The following VIRMA variants were observed in gnomAD, a reference collection of about 807,000 sequenced individuals.
The protein encoded by VIRMA is protein virilizer homolog.
A neutral mutation model predicts 182.4 loss-of-function variants in VIRMA; 65 were observed. The observed-to-expected ratio is 0.36, with a 90% CI of 0.29 to 0.44. The LOEUF (loss-of-function observed/expected upper bound fraction) is 0.44. VIRMA is among the 20% of genes least tolerant of loss of function. The pLI is 1.00. For synonymous variants in VIRMA, 709 were observed against 743.1 expected (o/e 0.95, Z 0.75); for missense variants, 1,752 against 2,158.1 (o/e 0.81, Z 3.73).
chr8:94,547,806 A>G (rs1452136421), intron 1 of VIRMA, among the ~76,000 whole-genome samples: 1 of 150,292 alleles, frequency 6.7e-6, no homozygotes, highest in African/African-American at 2.5e-5. Context: ...GCCAAGACAG[A>G]CAGATCACCT....
intron 16 of VIRMA, among the ~76,000 whole-genome samples, chr8:94,499,723 A>T (rs957435975): frequency 3.3e-5 from 5 of 152,112 alleles, no homozygotes; most frequent in Admixed American, 2.6e-4. Context: ...CTTAAAAAAA[A>T]ATTCCCCCAA....
At chr8:94,510,287 G>A (rs1441641667) in intron 14 of VIRMA, 130 bp downstream of exon 14, 1 of 649,380 alleles carries the variant, frequency 1.5e-6, no homozygotes, top group Non-Finnish European at 2.7e-6. Context: ...GCATATGTAG[G>A]TATATGTGTA....
At chr8:94,536,312 T>A (rs1815340578) in intron 4 of VIRMA, among the ~76,000 whole-genome samples, 1 of 151,714 alleles carries the variant, frequency 6.6e-6, no homozygotes, top group Non-Finnish European at 1.5e-5. Context: ...TTAATACCCA[T>A]CCCCCCCAAA....
In VIRMA at chr8:94,526,272, G is replaced by C; in HGVS notation, c.1972C>G (p.Arg658Gly). Residue 658 changes from arginine (R) to glycine (G), a missense_variant, in exon 8 of 24, where the codon CGA (arginine) becomes GGA (glycine). Physicochemically the swap from Arg to Gly is moderately radical, Grantham distance 125. This residue lies in a region of VIRMA where 401 missense variants were observed against 455.1 expected (regional missense o/e 0.88). Coordinates refer to ENST00000297591, the MANE Select transcript of VIRMA (RefSeq NM_015496.5). ...QPVKSFPTMA[R>G]ITGPPERDDP... The stretch of plus-strand genomic sequence containing the variant: ...TCCCTCTCTGGAGGTCCAGTAATTC[G>C]TGCCATCGTTGGGAAAGACTTAACA... 1 of 1,613,826 alleles carries C rather than the reference G, an allele frequency of 6.2e-7. No individual in the cohort carries two copies.
intron 1 of VIRMA, 134 bp downstream of exon 1, chr8:94,553,251 G>C (rs1189406662): frequency 1.2e-6 from 1 of 859,468 alleles, no homozygotes; most frequent in East Asian, 2.5e-5. Context: ...CACACAGCTC[G>C]GGGGAGGGTG....
rs1412112700 is a variant in VIRMA, at chr8:94,495,868, A to G, written c.4407T>C (p.Asn1469=). Residue 1469 remains asparagine, a synonymous_variant, in exon 19 of 24, where the codon AAT becomes AAC. Transcript: ENST00000297591. ...LVLEHSKDDD[N]LDSLLDSVVG... Reference sequence around the variant, plus strand: ...CTACACTGTCCAACAAAGAATCCAGATTGTCATCATCTTTTGAATGTTCCT... The same window carrying G: ...CTACACTGTCCAACAAAGAATCCAGGTTGTCATCATCTTTTGAATGTTCCT... The G allele has an allele frequency of 6.2e-7, 1 of 1,613,048 alleles. No individual in the cohort carries two copies. The highest frequency in any genetic ancestry group is 1.3e-5 in the African/African-American group (1 of 74,870).
At chr8:94,528,952 T>C in intron 7 of VIRMA, 118 bp downstream of exon 7, 1 of 1,303,410 alleles carries the variant, frequency 7.7e-7, no homozygotes, top group South Asian at 1.5e-5. Context: ...AGCTACATTC[T>C]GACCCTGGGT....
At chr8:94,505,418 A>G (rs1814120341) in intron 16 of VIRMA, among the ~76,000 whole-genome samples, 1 of 152,178 alleles carries the variant, frequency 6.6e-6, no homozygotes, top group African/African-American at 2.4e-5. Flanking sequence ...CATCGGCAGA[A>G]AAATTAGAGT....
intron 16 of VIRMA, among the ~76,000 whole-genome samples, chr8:94,501,602 G>A (rs914877272): frequency 2.6e-5 from 4 of 152,182 alleles, no homozygotes; most frequent in African/African-American, 9.7e-5. Flanking sequence ...CACTGTTAGA[G>A]AATAAAATAA....
chr8:94,507,652 G>T (rs1021978243), intron 15 of VIRMA, among the ~76,000 whole-genome samples: 5 of 151,828 alleles, frequency 3.3e-5, no homozygotes, highest in African/African-American at 1.2e-4. Context: ...CTACTGGGAG[G>T]CTGAGGCAGA....
intron 11 of VIRMA, 56 bp downstream of exon 11, chr8:94,514,813 C>T: frequency 1.2e-6 from 1 of 840,152 alleles, no homozygotes; most frequent in South Asian, 1.6e-5. Flanking sequence ...TGCAGTATCA[C>T]CATGTACTAC....
At chr8:94,495,246 T>C (rs1813732322) in intron 19 of VIRMA, among the ~76,000 whole-genome samples, 1 of 152,146 alleles carries the variant, frequency 6.6e-6, no homozygotes, top group African/African-American at 2.4e-5. Context: ...TCAAGCTATC[T>C]TCCTGCCTCA....
Position 94,506,732 on chromosome 8 carries a change from GA to G in VIRMA, c.3880-16del, listed in dbSNP as rs113892534. 4.4e-5 allele frequency: 66 copies of G among 1,516,144 alleles called. No homozygotes were observed. The highest frequency in any genetic ancestry group is 1.2e-4 in the Admixed American group (6 of 50,958). The allele number at this position is 1,516,144 out of a possible 1,614,324, so 93.9% of individuals were successfully genotyped here. On this transcript the variant is annotated splice_polypyrimidine_tract_variant and intron_variant, in intron 15 of 23. Coordinates refer to ENST00000297591, the MANE Select transcript of VIRMA (RefSeq NM_015496.5). ...AGTGCAATGTCCTGTGGGGAGCAGG[GA>G]AAAAAAAATCGATTTTTTAAATAAT... is the stretch of plus-strand genomic sequence containing the variant.
intron 1 of VIRMA, among the ~76,000 whole-genome samples, chr8:94,545,803 C>T (rs534279454): frequency 6.6e-6 from 1 of 152,190 alleles, no homozygotes; most frequent in Non-Finnish European, 1.5e-5. Context: ...ACCTGTAATC[C>T]CAGCACTTTG....
chr8:94,536,475 A>T (rs79521875), intron 4 of VIRMA, among the ~76,000 whole-genome samples: 3,926 of 152,338 alleles, frequency 0.026, 179 homozygotes, highest in African/African-American at 0.09. Flanking sequence ...GTACTTTTAA[A>T]AGAAACTTTA....
chr8:94,511,938 A>C lies in VIRMA; in HGVS notation c.2845+58T>G, dbSNP rs1049129583. The C allele has an allele frequency of 5.2e-5, 48 of 927,374 alleles. 1 individual carries two copies. The highest frequency in any genetic ancestry group is 6.9e-5 in the Non-Finnish European group (46 of 664,482). The allele number at this position is 927,374 out of a possible 1,614,324, so 57.4% of individuals were successfully genotyped here. A position where few individuals can be genotyped will look rare whatever the true frequency, so the allele number is the denominator to read the frequency against. The stretch of plus-strand genomic sequence containing the variant: ...TTAATAATTAACTAAATATTTAATA[A>C]ATGATATTTATTCTAGGCTTAAGAA... On this transcript the variant is annotated intron_variant, in intron 12 of 23. Coordinates refer to ENST00000297591, the MANE Select transcript of VIRMA (RefSeq NM_015496.5).
intron 16 of VIRMA, among the ~76,000 whole-genome samples, chr8:94,504,556 T>C (rs1055833862): frequency 2.6e-5 from 4 of 152,174 alleles, no homozygotes; most frequent in African/African-American, 9.7e-5. Flanking sequence ...TTAGAAGGAT[T>C]TCAGCAGAAA....
intron 16 of VIRMA, among the ~76,000 whole-genome samples, chr8:94,503,299 A>G (rs1307545820): frequency 6.6e-6 from 1 of 152,266 alleles, no homozygotes; most frequent in African/African-American, 2.4e-5. Flanking sequence ...GCAGAATCCT[A>G]GAAGATAGCA....
At position 94,526,291 on chromosome 8, in the gene VIRMA, C is replaced by T. The variant is rs1434644552; in HGVS notation, c.1953G>A (p.Lys651=). Reference sequence around the variant, plus strand: ...TAATTCGTGCCATCGTTGGGAAAGACTTAACAGGTTGTTGGATCATTGTAT... The same window carrying T: ...TAATTCGTGCCATCGTTGGGAAAGATTTAACAGGTTGTTGGATCATTGTAT... The part of the protein sequence containing the change: ...APHTMIQQPV[K]SFPTMARITG... The change falls in exon 8 of 24, where the codon AAG becomes AAA. Residue 651 remains lysine, a synonymous_variant. Coordinates refer to ENST00000297591, the MANE Select transcript of VIRMA (RefSeq NM_015496.5). 3 of 1,614,064 alleles carry T rather than the reference C, an allele frequency of 1.9e-6. No individual in the cohort carries two copies. Among genetic ancestry groups the T allele is most frequent in the South Asian group, 1.1e-5 (1 of 91,076 alleles).
Sources: gnomAD v4.1 joint callset for allele counts (sites outside exome capture counted in the v4.1 genomes callset) on GRCh38, gnomAD v4.1.1 for gene constraint, gnomAD v4.1.1 regional missense constraint, MANE v1.5 for transcripts, NCBI Gene and HGNC (gene_info 2026-07-23, HGNC 2026-07-21) for gene names.